SOX6: variants seen among roughly 807,000 people sequenced by gnomAD.
SOX6 encodes the protein transcription factor SOX-6.
Under a neutral mutation model 97.8 loss-of-function variants are expected in SOX6, and 11 were observed. That is an observed-to-expected ratio of 0.11 (90% CI 0.07 to 0.19). The LOEUF (loss-of-function observed/expected upper bound fraction) is 0.19, where lower values mean the gene tolerates loss of function less well. SOX6 is among the 10% of genes least tolerant of loss of function. The probability of loss-of-function intolerance (pLI) is 1.00; values close to 1 mark genes in which losing one functional copy is unlikely to be tolerated. For synonymous variants in SOX6, 360 were observed against 371.4 expected, an observed-to-expected ratio of 0.97 and a Z score of 0.35; for missense variants, 810 against 1,039.5, an observed-to-expected ratio of 0.78 and a Z score of 3.04.
chr11:16,448,347 A>G (rs866576994), intron 1 of SOX6, among the ~76,000 whole-genome samples: 1 of 152,070 alleles, frequency 6.6e-6, no homozygotes, highest in African/African-American at 2.4e-5. Flanking sequence ...TTTACTCATA[A>G]CTCATCAAAC....
chr11:16,124,853 A>G (rs2134011599), intron 6 of SOX6, among the ~76,000 whole-genome samples: 1 of 152,202 alleles, frequency 6.6e-6, no homozygotes, highest in Admixed American at 6.6e-5. Flanking sequence ...GCAAGAATGA[A>G]CGCAGAGAGA....
rs573246616 is a variant in SOX6, at chr11:16,424,022, G to A, written c.-5+52293C>T. Among the ~76,000 whole-genome samples the A allele has an allele frequency of 2.0e-5, 3 of 152,176 alleles. No homozygotes were observed. In the East Asian group the frequency reaches 5.8e-4, roughly 29 times the overall value. On this transcript the variant is annotated intron_variant, in intron 1 of 15. Coordinates refer to the SOX6 transcript ENST00000396356. ...AATTACTACAGAAAGTGAGAAGAGT[G>A]AGGCCTGAGAAAAAGACATTAAATA...
intron 9 of SOX6, among the ~76,000 whole-genome samples, chr11:16,088,600 C>T (rs1564947889): frequency 1.3e-5 from 2 of 152,248 alleles, no homozygotes; most frequent in African/African-American, 2.4e-5. Context: ...CATTTATAAA[C>T]TCTCTTTAAA....
intron 13 of SOX6, among the ~76,000 whole-genome samples, chr11:16,006,846 T>C (rs1854569927): frequency 6.6e-6 from 1 of 152,066 alleles, no homozygotes; most frequent in South Asian, 2.1e-4. Flanking sequence ...CAGTATGGTG[T>C]TATGAGATAA....
At chr11:16,381,831 C>A (rs1159053530) in intron 1 of SOX6, among the ~76,000 whole-genome samples, 1 of 151,532 alleles carries the variant, frequency 6.6e-6, no homozygotes, top group Non-Finnish European at 1.5e-5. Context: ...GGCAGAGGCA[C>A]AATGAACACA....
chr11:16,376,098 AGC>A (rs1394796948), intron 1 of SOX6, among the ~76,000 whole-genome samples: 2 of 152,116 alleles, frequency 1.3e-5, no homozygotes, highest in Non-Finnish European at 2.9e-5. Context: ...TGATGGGTGC[AGC>A]AAACCACCAT....
At chr11:16,696,369 A>G (rs947117481) in intron 3 of SOX6, among the ~76,000 whole-genome samples, 37 of 152,232 alleles carry the variant, frequency 2.4e-4, no homozygotes, top group Admixed American at 8.5e-4. Flanking sequence ...ACATTGCATT[A>G]TATAATTTCA....
intron 7 of SOX6, among the ~76,000 whole-genome samples, chr11:16,099,756 A>G (rs963204724): frequency 7.0e-6 from 1 of 141,988 alleles, no homozygotes; most frequent in Non-Finnish European, 1.5e-5. Flanking sequence ...ATTTATTACT[A>G]TCTCTACCAC....
chr11:16,588,946 G>A (rs1848123389), intron 4 of SOX6, among the ~76,000 whole-genome samples: 1 of 152,130 alleles, frequency 6.6e-6, no homozygotes, highest in Non-Finnish European at 1.5e-5. Flanking sequence ...GATCACTTGA[G>A]CCCAGGAGTT....
intron 4 of SOX6, among the ~76,000 whole-genome samples, chr11:16,531,216 T>C (rs1339264035): frequency 6.6e-6 from 1 of 151,086 alleles, no homozygotes; most frequent in Non-Finnish European, 1.5e-5. Flanking sequence ...ATGAGGATTT[T>C]CAAGACAACA....
At chr11:16,161,699 T>G (rs909986996) in intron 6 of SOX6, among the ~76,000 whole-genome samples, 5 of 152,066 alleles carry the variant, frequency 3.3e-5, no homozygotes, top group Non-Finnish European at 7.4e-5. Flanking sequence ...TGGTGCTAAG[T>G]TTTCTCATTT....
intron 3 of SOX6, among the ~76,000 whole-genome samples, chr11:16,661,301 T>C (rs1159626839): frequency 1.3e-5 from 2 of 152,226 alleles, no homozygotes; most frequent in Non-Finnish European, 2.9e-5. Context: ...ACGGTATATC[T>C]TTATCTCCTT....
At chr11:16,057,332 T>C (rs1035523784) in intron 9 of SOX6, among the ~76,000 whole-genome samples, 2 of 152,186 alleles carry the variant, frequency 1.3e-5, no homozygotes, top group Admixed American at 1.3e-4. Flanking sequence ...TAAACTATAC[T>C]TAATTTTATT....
intron 6 of SOX6, among the ~76,000 whole-genome samples, chr11:16,137,854 A>C (rs984862100): frequency 6.6e-6 from 1 of 152,106 alleles, no homozygotes; most frequent in East Asian, 1.9e-4. Context: ...TGGTTTTATA[A>C]GGAGCTTCCC....
intron 12 of SOX6, among the ~76,000 whole-genome samples, chr11:16,024,855 C>T (rs1855171576): frequency 6.6e-6 from 1 of 151,982 alleles, no homozygotes; most frequent in Non-Finnish European, 1.5e-5. Flanking sequence ...TGATGTATGA[C>T]AAGTTTCCCT....
At chr11:16,024,424 G>A (rs1855159797) in intron 12 of SOX6, among the ~76,000 whole-genome samples, 1 of 151,102 alleles carries the variant, frequency 6.6e-6, no homozygotes, top group African/African-American at 2.4e-5. Flanking sequence ...TTAGAGATAA[G>A]GTCCTATTAG....
At chr11:16,461,359 T>C (rs1859922895) in intron 1 of SOX6, among the ~76,000 whole-genome samples, 2 of 152,176 alleles carry the variant, frequency 1.3e-5, no homozygotes, top group African/African-American at 4.8e-5. Flanking sequence ...ATTCACTGAA[T>C]TAATTTTTCA....
chr11:16,066,744 G>T (rs1299884312), intron 9 of SOX6, among the ~76,000 whole-genome samples: 1 of 152,108 alleles, frequency 6.6e-6, no homozygotes, highest in African/African-American at 2.4e-5. Flanking sequence ...GTTATCAGAG[G>T]CTAGGAAGGA....
At chr11:16,471,300 T>C (rs898101407) in intron 1 of SOX6, among the ~76,000 whole-genome samples, 18 of 152,164 alleles carry the variant, frequency 1.2e-4, no homozygotes, top group Non-Finnish European at 8.8e-5. Flanking sequence ...ATGCAGCTTC[T>C]GAAGAGACAG....
Sources: gnomAD v4.1 joint callset for allele counts (sites outside exome capture counted in the v4.1 genomes callset) on GRCh38, gnomAD v4.1.1 for gene constraint, MANE v1.5 for transcripts, NCBI Gene and HGNC (gene_info 2026-07-23, HGNC 2026-07-21) for gene names.